KLF12: variants seen among roughly 807,000 people sequenced by gnomAD.
KLF12 encodes the protein Krueppel-like factor 12.
A neutral mutation model predicts 37.8 loss-of-function variants in KLF12; 9 were observed. That is an observed-to-expected ratio of 0.24 (90% CI 0.14 to 0.42). KLF12 has a LOEUF of 0.42. KLF12 is among the 10% of genes least tolerant of loss of function. KLF12 has a pLI of 1.00. For synonymous variants in KLF12, 208 were observed against 202.1 expected, an observed-to-expected ratio of 1.03 and a Z score of -0.25; for missense variants, 411 against 516.0, an observed-to-expected ratio of 0.80 and a Z score of 1.97.
chr13:73,711,294 C>T (rs1875379221), intron 7 of KLF12, among the ~76,000 whole-genome samples: 1 of 152,214 alleles, frequency 6.6e-6, no homozygotes, highest in South Asian at 2.1e-4. Context: ...GGCAGCCATA[C>T]TAAACTACAG....
At chr13:74,045,628 G>A (rs1262114503) in intron 1 of KLF12, among the ~76,000 whole-genome samples, 4 of 146,708 alleles carry the variant, frequency 2.7e-5, no homozygotes, top group Non-Finnish European at 1.5e-5. Flanking sequence ...TGACGAAAAT[G>A]AAAAAAAAAA....
intron 2 of KLF12, among the ~76,000 whole-genome samples, chr13:73,948,332 G>A (rs1389701412): frequency 6.6e-6 from 1 of 151,914 alleles, no homozygotes; most frequent in Non-Finnish European, 1.5e-5. Flanking sequence ...AGCAATTCTT[G>A]TGCCTCAGCA....
At chr13:74,065,657 C>T (rs954678727) in intron 1 of KLF12, among the ~76,000 whole-genome samples, 5 of 151,946 alleles carry the variant, frequency 3.3e-5, no homozygotes, top group Admixed American at 6.6e-5. Context: ...TATTCTGTGT[C>T]CTTGTTCCAG....
intron 5 of KLF12, among the ~76,000 whole-genome samples, chr13:73,805,605 G>A (rs1882525393): frequency 2.1e-5 from 1 of 47,026 alleles, no homozygotes; most frequent in Non-Finnish European, 3.9e-5. Context: ...GGCACTGTCA[G>A]AAGGAAGGGA....
chr13:73,748,753 T>C (rs894870337), intron 6 of KLF12, among the ~76,000 whole-genome samples: 1 of 152,206 alleles, frequency 6.6e-6, no homozygotes, highest in Non-Finnish European at 1.5e-5. Context: ...TATATTTTTG[T>C]TGTATATTAC....
intron 6 of KLF12, among the ~76,000 whole-genome samples, chr13:73,720,390 T>C (rs982592215): frequency 3.9e-5 from 6 of 152,180 alleles, no homozygotes; most frequent in Admixed American, 1.3e-4. Context: ...AAGTAACTAC[T>C]GCATACACCA....
chr13:74,048,844 A>T (rs1004297485), intron 1 of KLF12, among the ~76,000 whole-genome samples: 14 of 152,226 alleles, frequency 9.2e-5, no homozygotes, highest in African/African-American at 3.4e-4. Context: ...TAAGTCAATA[A>T]GCACAAGATT....
intron 2 of KLF12, among the ~76,000 whole-genome samples, chr13:73,964,623 A>T (rs1219529348): frequency 6.6e-6 from 1 of 151,190 alleles, no homozygotes; most frequent in African/African-American, 2.4e-5. Flanking sequence ...AAAAAAAAAA[A>T]ATCTAAGGTC....
the KLF12 span, chr13:74,260,095 C>G: frequency 6.6e-6 from 1 of 152,018 alleles, no homozygotes; most frequent in Non-Finnish European, 1.5e-5. Flanking sequence ...GTACTTCATA[C>G]AGTAGGAGCT....
chr13:73,765,538 C>G (rs1465927111), intron 5 of KLF12, among the ~76,000 whole-genome samples: 1 of 152,150 alleles, frequency 6.6e-6, no homozygotes, highest in Non-Finnish European at 1.5e-5. Context: ...GGAGTACATT[C>G]TGGAAGTGAT....
intron 1 of KLF12, among the ~76,000 whole-genome samples, chr13:74,038,273 A>G (rs965847750): frequency 1.3e-5 from 2 of 152,208 alleles, no homozygotes; most frequent in African/African-American, 2.4e-5. Context: ...ACTATTCAAA[A>G]TAATTTTTTC....
At chr13:73,841,273 C>G (rs895151806) in intron 4 of KLF12, among the ~76,000 whole-genome samples, 3 of 152,156 alleles carry the variant, frequency 2.0e-5, no homozygotes, top group African/African-American at 7.2e-5. Context: ...ATAACTTTGC[C>G]TGAGATCTGT....
chr13:73,697,205 T>C (rs1402689405), intron 7 of KLF12, among the ~76,000 whole-genome samples: 1 of 152,118 alleles, frequency 6.6e-6, no homozygotes, highest in Non-Finnish European at 1.5e-5. Flanking sequence ...TAGTCCAAAC[T>C]GGACCCAACA....
chr13:73,732,156 T>C (rs1261668210), intron 6 of KLF12, among the ~76,000 whole-genome samples: 3 of 151,226 alleles, frequency 2.0e-5, no homozygotes, highest in African/African-American at 7.3e-5. Context: ...TGATCTCGAC[T>C]CACTGCAACC....
intron 6 of KLF12, among the ~76,000 whole-genome samples, chr13:73,720,875 T>TA (rs2137724500): frequency 6.6e-6 from 1 of 152,246 alleles, no homozygotes; most frequent in Non-Finnish European, 1.5e-5. Context: ...CTGGAGTTTT[T>TA]ACAGGAGTTA....
At chr13:73,988,983 T>C (rs933076378) in intron 2 of KLF12, among the ~76,000 whole-genome samples, 6 of 152,304 alleles carry the variant, frequency 3.9e-5, no homozygotes, top group African/African-American at 1.4e-4. Flanking sequence ...ACAAGCAAAG[T>C]TGAACACTGG....
At chr13:74,286,049 A>G in the KLF12 span, among the ~76,000 whole-genome samples, 1 of 151,910 alleles carries the variant, frequency 6.6e-6, no homozygotes, top group Non-Finnish European at 1.5e-5. Context: ...CCCAACCACT[A>G]CTCTTAGCTC....
intron 1 of KLF12, among the ~76,000 whole-genome samples, chr13:74,097,300 C>G (rs1294105658): frequency 1.3e-5 from 2 of 152,110 alleles, no homozygotes; most frequent in Non-Finnish European, 2.9e-5. Flanking sequence ...GTCATTTCTA[C>G]AAACATCTGT....
the KLF12 span, among the ~76,000 whole-genome samples, chr13:74,287,963 C>T: frequency 2.0e-5 from 3 of 151,972 alleles, no homozygotes; most frequent in African/African-American, 7.3e-5. Flanking sequence ...AGCTCCACCC[C>T]CCTCCCACCC....
Sources: gnomAD v4.1 joint callset for allele counts (sites outside exome capture counted in the v4.1 genomes callset) on GRCh38, gnomAD v4.1.1 for gene constraint, MANE v1.5 for transcripts, NCBI Gene and HGNC (gene_info 2026-07-23, HGNC 2026-07-21) for gene names.